Variants in ZNF804A observed in about 807,000 individuals in gnomAD.
ZNF804A encodes zinc finger protein 804A.
A neutral mutation model predicts 16.5 loss-of-function variants in ZNF804A; 2 were observed. The ratio of observed to expected loss-of-function variants is 0.12; its 90% CI spans 0.05 to 0.38. The LOEUF is 0.38. Ranked by LOEUF, ZNF804A falls within the 10% of genes least tolerant of loss-of-function variation. The pLI is 0.99. For missense variants in ZNF804A, 1,473 were observed against 1,390.7 expected (o/e 1.06, Z -0.94); for synonymous variants, 534 against 489.6 (o/e 1.09, Z -1.20).
At chr2:184,715,471 T>A (rs893789023) in intron 1 of ZNF804A, among the ~76,000 whole-genome samples, 7 of 152,112 alleles carry the variant, frequency 4.6e-5, no homozygotes, top group Admixed American at 2.6e-4. Flanking sequence ...ACTGTTACCT[T>A]GAATTCTGGG....
intron 2 of ZNF804A, among the ~76,000 whole-genome samples, chr2:184,889,470 G>A (rs1328789843): frequency 1.3e-5 from 2 of 151,718 alleles, no homozygotes; most frequent in African/African-American, 2.4e-5. Context: ...CATTTGATTG[G>A]AAATTTAATT....
chr2:184,914,067 C>T (rs927424158), intron 2 of ZNF804A, among the ~76,000 whole-genome samples: 1 of 152,150 alleles, frequency 6.6e-6, no homozygotes, highest in African/African-American at 2.4e-5. Context: ...TTCATATGTC[C>T]TGTGGGATGC....
chr2:184,827,554 A>G (rs529221666), intron 1 of ZNF804A, among the ~76,000 whole-genome samples: 1 of 149,652 alleles, frequency 6.7e-6, no homozygotes, highest in East Asian at 1.9e-4. Context: ...ACCTCTACCC[A>G]GGAAATATAC....
At chr2:184,724,025 G>C (rs751408039) in intron 1 of ZNF804A, among the ~76,000 whole-genome samples, 16 of 151,652 alleles carry the variant, frequency 1.1e-4, no homozygotes, top group Middle Eastern at 3.2e-3. Context: ...GTTCAACATA[G>C]TTTTGGCAGT....
chr2:184,768,375 T>G (rs1230379378), intron 1 of ZNF804A, among the ~76,000 whole-genome samples: 1 of 152,106 alleles, frequency 6.6e-6, no homozygotes, highest in East Asian at 1.9e-4. Flanking sequence ...TATACTAATA[T>G]AAAACTCCTA....
At chr2:184,627,460 A>G (rs972367019) in intron 1 of ZNF804A, among the ~76,000 whole-genome samples, 4 of 152,124 alleles carry the variant, frequency 2.6e-5, no homozygotes, top group African/African-American at 9.6e-5. Flanking sequence ...TTTAACTGAA[A>G]TCTTTCTGAT....
chr2:184,706,743 G>A (rs886709462), intron 1 of ZNF804A, among the ~76,000 whole-genome samples: 2 of 152,076 alleles, frequency 1.3e-5, no homozygotes, highest in African/African-American at 4.8e-5. Flanking sequence ...TGCACTCTAT[G>A]TTTCATTATT....
intron 1 of ZNF804A, among the ~76,000 whole-genome samples, chr2:184,746,119 A>C (rs974821717): frequency 6.6e-6 from 1 of 151,560 alleles, no homozygotes; most frequent in Non-Finnish European, 1.5e-5. Flanking sequence ...ACATACACAC[A>C]TATTTGATAA....
chr2:184,819,971 C>G (rs564481432), intron 1 of ZNF804A, among the ~76,000 whole-genome samples: 1 of 152,106 alleles, frequency 6.6e-6, no homozygotes, highest in East Asian at 1.9e-4. Flanking sequence ...GGATTTACAA[C>G]TAAATTTTAC....
At chr2:184,713,756 G>A in intron 1 of ZNF804A, among the ~76,000 whole-genome samples, 1 of 151,896 alleles carries the variant, frequency 6.6e-6, no homozygotes, top group East Asian at 1.9e-4. Context: ...GTAACTACGT[G>A]CTAGCTAGGA....
intron 2 of ZNF804A, among the ~76,000 whole-genome samples, chr2:184,905,399 T>C (rs1362202488): frequency 6.6e-6 from 1 of 152,158 alleles, no homozygotes; most frequent in Non-Finnish European, 1.5e-5. Context: ...GATAATCATA[T>C]AACAGCATTT....
At chr2:184,843,394 C>A (rs1695467575) in intron 1 of ZNF804A, among the ~76,000 whole-genome samples, 1 of 152,080 alleles carries the variant, frequency 6.6e-6, no homozygotes, top group Non-Finnish European at 1.5e-5. Context: ...TCCTGAGTAG[C>A]TGGGACTACA....
At chr2:184,919,866 A>G (rs1477728950) in intron 2 of ZNF804A, among the ~76,000 whole-genome samples, 1 of 152,174 alleles carries the variant, frequency 6.6e-6, no homozygotes, top group East Asian at 1.9e-4. Flanking sequence ...CTGTAATCCC[A>G]GCACTTCGGG....
At chr2:184,709,761 C>T (rs1044412435) in intron 1 of ZNF804A, among the ~76,000 whole-genome samples, 2 of 150,258 alleles carry the variant, frequency 1.3e-5, no homozygotes, top group African/African-American at 4.9e-5. Flanking sequence ...CATAAACTTC[C>T]TAGTGTACTG....
rs1444971429 is a variant in ZNF804A, at chr2:184,936,361, C to A, written c.965C>A (p.Ala322Glu). Residue 322 changes from alanine (A) to glutamate (E), a missense_variant, in exon 4 of 4, where the codon GCA becomes GAA. Ala to Glu is a moderately radical substitution (Grantham distance 107, BLOSUM62 -1). Coordinates refer to ENST00000302277, the MANE Select transcript of ZNF804A (RefSeq NM_194250.2). ...TTTCAACTTCAGTTATCTTCTGATG[C>A]AGATAATTGTCAAAATTCAGTCCCA... ...CKFQLQLSSD[A>E]DNCQNSVPLA... is the part of the protein sequence containing the mutation. The A allele has an allele frequency of 6.2e-7, 1 of 1,613,942 alleles. No individual in the cohort carries two copies. Among genetic ancestry groups the A allele is most frequent in the Non-Finnish European group, 8.5e-7 (1 of 1,179,952 alleles).
At chr2:184,703,148 C>A (rs1290091288) in intron 1 of ZNF804A, among the ~76,000 whole-genome samples, 1 of 152,044 alleles carries the variant, frequency 6.6e-6, no homozygotes, top group Non-Finnish European at 1.5e-5. Context: ...GTTTACTACC[C>A]AAATAATTTT....
At chr2:184,862,680 A>T (rs911269028) in intron 1 of ZNF804A, among the ~76,000 whole-genome samples, 4 of 152,104 alleles carry the variant, frequency 2.6e-5, no homozygotes, top group Non-Finnish European at 2.9e-5. Context: ...TTTAAATGTG[A>T]AGTATAATTT....
chr2:184,839,587 G>C (rs1695404434), intron 1 of ZNF804A, among the ~76,000 whole-genome samples: 1 of 151,978 alleles, frequency 6.6e-6, no homozygotes, highest in African/African-American at 2.4e-5. Flanking sequence ...AAAGGCCATA[G>C]CATAAAATAA....
chr2:184,786,035 T>C (rs1365963505), intron 1 of ZNF804A, among the ~76,000 whole-genome samples: 1 of 151,992 alleles, frequency 6.6e-6, no homozygotes, highest in Non-Finnish European at 1.5e-5. Context: ...ATTCCCAGTG[T>C]ATGAAAATCA....
Sources: gnomAD v4.1 joint callset for allele counts (sites outside exome capture counted in the v4.1 genomes callset) on GRCh38, gnomAD v4.1.1 for gene constraint, MANE v1.5 for transcripts, NCBI Gene and HGNC (gene_info 2026-07-23, HGNC 2026-07-21) for gene names.